FRMD6: variants seen among roughly 807,000 people sequenced by gnomAD.
FRMD6 encodes the protein FERM domain-containing protein 6.
In FRMD6, 37 loss-of-function variants were observed where a neutral mutation model predicts 73.2. The observed-to-expected ratio is 0.51, with a 90% CI of 0.39 to 0.66. The LOEUF is 0.66. Ranked by LOEUF, FRMD6 falls within the 30% of genes least tolerant of loss-of-function variation. The pLI is 0.00. For synonymous variants in FRMD6, 273 were observed against 282.2 expected, an observed-to-expected ratio of 0.97 and a Z score of 0.33; for missense variants, 714 against 780.5, an observed-to-expected ratio of 0.91 and a Z score of 1.02.
At chr14:51,577,296 A>G (rs999289330) in intron 2 of FRMD6, among the ~76,000 whole-genome samples, 5 of 152,176 alleles carry the variant, frequency 3.3e-5, no homozygotes, top group Non-Finnish European at 7.4e-5. Context: ...CAGCAAAAAT[A>G]TCACCAAACT....
chr14:51,641,948 C>A (rs533949276), intron 2 of FRMD6, among the ~76,000 whole-genome samples: 2 of 152,226 alleles, frequency 1.3e-5, no homozygotes, highest in Non-Finnish European at 2.9e-5. Context: ...CCAAGGACCA[C>A]TAGAAGTGAC....
the FRMD6 span, among the ~76,000 whole-genome samples, chr14:51,402,393 T>TG: frequency 6.6e-6 from 1 of 152,106 alleles, no homozygotes; most frequent in Non-Finnish European, 1.5e-5. Context: ...GATTGAATCA[T>TG]GGGGGAGGGT....
intron 11 of FRMD6, 60 bp downstream of exon 11, chr14:51,720,450 G>C: frequency 6.6e-7 from 1 of 1,519,764 alleles, no homozygotes. Flanking sequence ...TCAAGCATTG[G>C]TTCTATAGAA....
chr14:51,648,661 T>C (rs1445329590), upstream of FRMD6, among the ~76,000 whole-genome samples: 3 of 152,210 alleles, frequency 2.0e-5, no homozygotes, highest in African/African-American at 4.8e-5. Flanking sequence ...TTCCTGCGTA[T>C]CTCTACCATA....
At chr14:51,401,229 C>A in the FRMD6 span, among the ~76,000 whole-genome samples, 1 of 152,200 alleles carries the variant, frequency 6.6e-6, no homozygotes, top group African/African-American at 2.4e-5. Flanking sequence ...TCTTCCAAGA[C>A]ATGGCAGAAA....
At chr14:51,644,387 A>T (rs58410957) in intron 2 of FRMD6, among the ~76,000 whole-genome samples, 2,154 of 115,028 alleles carry the variant, frequency 0.019, 62 homozygotes, top group African/African-American at 0.058. Flanking sequence ...ACACACACAC[A>T]CTCACTCACT....
chr14:51,444,445 C>A, the FRMD6 span, among the ~76,000 whole-genome samples: 1 of 152,210 alleles, frequency 6.6e-6, no homozygotes, highest in Non-Finnish European at 1.5e-5. Context: ...ACTGGGGTTA[C>A]ACTGCCATTC....
intron 1 of FRMD6, among the ~76,000 whole-genome samples, chr14:51,569,180 A>G (rs1887959974): frequency 6.6e-6 from 1 of 152,162 alleles, no homozygotes; most frequent in Non-Finnish European, 1.5e-5. Context: ...CTGTCTTCAT[A>G]CTAGCCCTCA....
At chr14:51,413,252 TG>T in the FRMD6 span, among the ~76,000 whole-genome samples, 1 of 152,206 alleles carries the variant, frequency 6.6e-6, no homozygotes, top group East Asian at 1.9e-4. Flanking sequence ...GTTGGTTTGC[TG>T]CACTCATCAA....
At chr14:51,526,092 GCTT>G (rs1566793490) in intron 1 of FRMD6, among the ~76,000 whole-genome samples, 1 of 152,102 alleles carries the variant, frequency 6.6e-6, no homozygotes, top group East Asian at 1.9e-4. Flanking sequence ...ATTGATCTTC[GCTT>G]CTTAACAAGT....
In FRMD6 at chr14:51,701,309, A is replaced by G. The variant is rs551962140; in HGVS notation, c.294+150A>G. Reference sequence around the variant, plus strand: ...CTACTAAGTTATATATAGTATATGTATAGTATATATATATATACACTTTAG... The same window carrying G: ...CTACTAAGTTATATATAGTATATGTGTAGTATATATATATATACACTTTAG... On this transcript the variant is annotated intron_variant, in intron 4 of 13. Transcript: ENST00000344768. 6 of 302,186 alleles carry G rather than the reference A, an allele frequency of 2.0e-5. No individual in the cohort carries two copies. In the South Asian group the frequency reaches 2.8e-4, roughly 14 times the overall value. The allele number at this position is 302,186 out of a possible 1,614,324, so 18.7% of individuals were successfully genotyped here. A position where few individuals can be genotyped will look rare whatever the true frequency, so the allele number is the denominator to read the frequency against.
intron 1 of FRMD6, among the ~76,000 whole-genome samples, chr14:51,561,515 G>A (rs1015276283): frequency 1.2e-4 from 18 of 152,204 alleles, no homozygotes; most frequent in African/African-American, 3.6e-4. Context: ...GGCTGAAGCT[G>A]TGAATCACGC....
At chr14:51,505,143 A>G (rs1273942024) in intron 1 of FRMD6, among the ~76,000 whole-genome samples, 1 of 152,196 alleles carries the variant, frequency 6.6e-6, no homozygotes, top group African/African-American at 2.4e-5. Flanking sequence ...ACTTGAGAGA[A>G]CTAAGAAAGG....
At chr14:51,611,010 G>T (rs1226846031) in intron 2 of FRMD6, among the ~76,000 whole-genome samples, 3 of 152,148 alleles carry the variant, frequency 2.0e-5, no homozygotes, top group African/African-American at 7.2e-5. Context: ...TTGCAAGCAG[G>T]AGAATGTGCC....
chr14:51,594,084 C>A (rs1424713311), intron 2 of FRMD6, among the ~76,000 whole-genome samples: 1 of 152,052 alleles, frequency 6.6e-6, no homozygotes, highest in East Asian at 1.9e-4. Context: ...ATTTCTTATA[C>A]CCCCTCCAGA....
rs190380855 is a variant in FRMD6 at position 51,660,883 on chromosome 14, C to G, written c.-147+8887C>G. 5.3e-5 allele frequency among the ~76,000 whole-genome samples: 8 copies of G among 152,208 alleles called. No individual in the cohort carries two copies. The East Asian group carries it at 1.4e-3, about 26-fold the overall frequency. ...AGAGCTAGCTGGGGGAAAAGTGTTG[C>G]AGCAGAGGGACTAGTGAAGGCATCA... On this transcript the variant is annotated intron_variant, in intron 1 of 13. Transcript: ENST00000344768.
At chr14:51,540,579 GGCAAACTTGCTTT>G in intron 1 of FRMD6, among the ~76,000 whole-genome samples, 1 of 152,124 alleles carries the variant, frequency 6.6e-6, no homozygotes, top group South Asian at 2.1e-4. Context: ...GATGATTCAT[GGCAAACTTGCTTT>G]GCAAAGTAGA....
At chr14:51,522,511 G>A (rs1352491453) in intron 1 of FRMD6, among the ~76,000 whole-genome samples, 1 of 152,058 alleles carries the variant, frequency 6.6e-6, no homozygotes, top group Non-Finnish European at 1.5e-5. Flanking sequence ...CCATGTTTTG[G>A]TAGGGGCAGC....
chr14:51,720,053 A>G lies in FRMD6; in HGVS notation c.1025-2A>G. The stretch of plus-strand genomic sequence containing the variant: ...TAATGAACTGTGTTCCCCACCACGT[A>G]GAGAAGAAGCAGTACCGGGAATCTT... On this transcript the variant is annotated splice_acceptor_variant, in intron 10 of 13. Coordinates refer to ENST00000344768, the MANE Select transcript of FRMD6 (RefSeq NM_001267046.2). LOFTEE classifies it high-confidence loss of function. 1 of 1,606,726 alleles carries G rather than the reference A, an allele frequency of 6.2e-7. No individual in the cohort carries two copies. The highest frequency in any genetic ancestry group is 8.5e-7 in the Non-Finnish European group (1 of 1,175,422).
Sources: allele counts gnomAD v4.1 joint callset (sites outside exome capture counted in the v4.1 genomes callset), GRCh38; gene constraint gnomAD v4.1.1; transcripts MANE v1.5; gene names NCBI Gene and HGNC (gene_info 2026-07-23, HGNC 2026-07-21).